ABTB3: variants seen among roughly 807,000 people sequenced by gnomAD.
ABTB3 encodes the protein ankyrin repeat and BTB domain containing 3, also known as ankyrin repeat- and BTB/POZ domain-containing protein 3.
chr12:107,389,296 GC>G, the ABTB3 span, among the ~76,000 whole-genome samples: 12 of 152,128 alleles, frequency 7.9e-5, no homozygotes, highest in Non-Finnish European at 1.5e-4. Context: ...CCCCATAATA[GC>G]TAAACATTTT....
the ABTB3 span, among the ~76,000 whole-genome samples, chr12:107,616,775 A>G: frequency 1.3e-5 from 2 of 152,218 alleles, no homozygotes; most frequent in South Asian, 4.1e-4. Context: ...ATATGTATAC[A>G]TCTCCTGGAG....
chr12:107,321,761 C>A, the ABTB3 span, among the ~76,000 whole-genome samples: 1 of 152,076 alleles, frequency 6.6e-6, no homozygotes, highest in Non-Finnish European at 1.5e-5. Flanking sequence ...TGTTTGAAAC[C>A]CTACCTCCAC....
At chr12:107,499,282 T>C in the ABTB3 span, among the ~76,000 whole-genome samples, 4 of 152,048 alleles carry the variant, frequency 2.6e-5, no homozygotes, top group Admixed American at 1.3e-4. Context: ...GCAAAAAGTG[T>C]GTCATTTTTC....
At chr12:107,319,610 C>G in the ABTB3 span, 1 of 1,536,868 alleles carries the variant, frequency 6.5e-7, no homozygotes, top group East Asian at 2.4e-5. Flanking sequence ...GGTGGACAGC[C>G]GCGTGGCGCT....
chr12:107,424,218 T>C, the ABTB3 span, among the ~76,000 whole-genome samples: 1 of 152,096 alleles, frequency 6.6e-6, no homozygotes, highest in Non-Finnish European at 1.5e-5. Context: ...CAGTGGCGGC[T>C]TCATCCTGGA....
At chr12:107,579,132 G>T in the ABTB3 span, among the ~76,000 whole-genome samples, 1 of 152,186 alleles carries the variant, frequency 6.6e-6, no homozygotes, top group African/African-American at 2.4e-5. Flanking sequence ...GGGAGAAATG[G>T]GATTTAGCCT....
chr12:107,476,045 A>G, the ABTB3 span, among the ~76,000 whole-genome samples: 1 of 152,226 alleles, frequency 6.6e-6, no homozygotes, highest in Non-Finnish European at 1.5e-5. Flanking sequence ...AGATGCAAAC[A>G]TCCGTCCCCC....
the ABTB3 span, among the ~76,000 whole-genome samples, chr12:107,354,745 A>G: frequency 2.0e-5 from 3 of 152,154 alleles, no homozygotes; most frequent in Admixed American, 1.3e-4. Flanking sequence ...ACTTCTCCAC[A>G]TGCTTGCCGA....
the ABTB3 span, among the ~76,000 whole-genome samples, chr12:107,372,894 C>T: frequency 1.3e-5 from 2 of 152,162 alleles, no homozygotes; most frequent in Admixed American, 1.3e-4. Context: ...CTCTTTGGTA[C>T]ATTGCTGTCT....
chr12:107,486,910 C>A, the ABTB3 span, among the ~76,000 whole-genome samples: 2 of 152,120 alleles, frequency 1.3e-5, no homozygotes, highest in African/African-American at 4.8e-5. Flanking sequence ...GATTACATAA[C>A]TTTCTTACAG....
the ABTB3 span, among the ~76,000 whole-genome samples, chr12:107,331,283 G>T: frequency 2.0e-5 from 3 of 152,152 alleles, no homozygotes; most frequent in African/African-American, 7.2e-5. Context: ...GCTCACCCTC[G>T]TGAGCAAAGC....
At chr12:107,581,488 A>G in the ABTB3 span, among the ~76,000 whole-genome samples, 1 of 152,186 alleles carries the variant, frequency 6.6e-6, no homozygotes, top group Non-Finnish European at 1.5e-5. Context: ...CTGGAGTTGC[A>G]GGGTTGAAAG....
At chr12:107,367,601 A>T in the ABTB3 span, among the ~76,000 whole-genome samples, 1 of 152,092 alleles carries the variant, frequency 6.6e-6, no homozygotes, top group African/African-American at 2.4e-5. Flanking sequence ...GCCTCCTCCC[A>T]GCTCAAGCGA....
chr12:107,395,943 C>A, the ABTB3 span, among the ~76,000 whole-genome samples: 25 of 152,204 alleles, frequency 1.6e-4, no homozygotes, highest in Non-Finnish European at 2.4e-4. Context: ...TGGATGGGAA[C>A]CCTGTGTGGC....
the ABTB3 span, among the ~76,000 whole-genome samples, chr12:107,619,398 G>T: frequency 4.6e-5 from 7 of 152,350 alleles, no homozygotes; most frequent in Non-Finnish European, 8.8e-5. Context: ...GTTTTGCACA[G>T]AGGAGCAGCA....
the ABTB3 span, among the ~76,000 whole-genome samples, chr12:107,546,689 C>A: frequency 1.6e-4 from 25 of 152,030 alleles, no homozygotes; most frequent in African/African-American, 2.2e-4. Context: ...CATGGTGAAA[C>A]CCCATCTCTA....
At chr12:107,439,146 G>A in the ABTB3 span, among the ~76,000 whole-genome samples, 9 of 152,116 alleles carry the variant, frequency 5.9e-5, no homozygotes, top group African/African-American at 1.9e-4. Flanking sequence ...ATAATCACGC[G>A]TCTTTAATGG....
chr12:107,607,351 G>A, the ABTB3 span, among the ~76,000 whole-genome samples: 369 of 152,292 alleles, frequency 2.4e-3, 2 homozygotes, highest in African/African-American at 8.6e-3. Context: ...CTCAGGTCTC[G>A]GATGCTGATG....
the ABTB3 span, among the ~76,000 whole-genome samples, chr12:107,606,997 T>C: frequency 4.6e-5 from 7 of 152,314 alleles, no homozygotes; most frequent in African/African-American, 9.6e-5. Context: ...TTAGGGATCA[T>C]TGGTCCCTTG....
Sources: allele counts gnomAD v4.1 joint callset (sites outside exome capture counted in the v4.1 genomes callset), GRCh38; gene constraint gnomAD v4.1.1; transcripts MANE v1.5; gene names NCBI Gene and HGNC (gene_info 2026-07-23, HGNC 2026-07-21).